Variants in MTCH2 observed in about 807,000 individuals in gnomAD.
MTCH2 encodes mitochondrial carrier homolog 2.
MTCH2 carries 25 observed loss-of-function variants against 50.6 expected under a neutral mutation model. The observed-to-expected ratio is 0.49, with a 90% confidence interval of 0.36 to 0.69. MTCH2 has a LOEUF of 0.69. MTCH2 is among the 30% of genes least tolerant of loss of function. MTCH2 has a pLI of 0.00. For synonymous variants in MTCH2, 106 were observed against 132.0 expected (o/e 0.80, Z 1.35); for missense variants, 273 against 384.4 (o/e 0.71, Z 2.42).
intron 11 of MTCH2, among the ~76,000 whole-genome samples, 169 bp downstream of exon 11, chr11:47,625,504 AT>A (rs1160234414): frequency 6.6e-6 from 1 of 152,058 alleles, no homozygotes; most frequent in African/African-American, 2.4e-5. Flanking sequence ...AAAGAAAAAA[AT>A]TAGGAATCTT....
chr11:47,624,812 G>C (rs1009705347), intron 11 of MTCH2, among the ~76,000 whole-genome samples: 1 of 152,126 alleles, frequency 6.6e-6, no homozygotes, highest in Non-Finnish European at 1.5e-5. Context: ...AATAGGCCAG[G>C]TGCAGTGGCT....
At chr11:47,615,376 G>A (rs2097287791), downstream of MTCH2, among the ~76,000 whole-genome samples, 1 of 152,112 alleles carries the variant, frequency 6.6e-6, no homozygotes, top group African/African-American at 2.4e-5. Context: ...TGTAGTTTTT[G>A]TCAGTTAGTT....
At position 47,642,421 on chromosome 11, in the gene MTCH2, G is replaced by A; in HGVS notation, c.45C>T (p.Thr15=). 1.2e-6 allele frequency: 2 copies of A among 1,609,654 alleles called. No homozygotes were observed. The highest frequency in any genetic ancestry group is 1.7e-6 in the Non-Finnish European group (2 of 1,178,348). Residue 15 remains threonine, a synonymous_variant, in exon 1 of 13, where the codon ACC becomes ACT. Transcript: ENST00000302503. Reference sequence around the variant, plus strand: ...CGTACATGAGCGGCTGGGACAGGATGGTGAGACCGGAGCCCAGGAGCACCT... The same window carrying A: ...CGTACATGAGCGGCTGGGACAGGATAGTGAGACCGGAGCCCAGGAGCACCT... ...ASQVLLGSGL[T]ILSQPLMYVK...
At chr11:47,613,813 C>T (rs1181063083), downstream of MTCH2, among the ~76,000 whole-genome samples, 2 of 152,060 alleles carry the variant, frequency 1.3e-5, no homozygotes, top group Non-Finnish European at 2.9e-5. Flanking sequence ...TTTGGCTGGG[C>T]ACAGTGGCTC....
At chr11:47,607,277 G>T in the MTCH2 span, among the ~76,000 whole-genome samples, 1 of 152,180 alleles carries the variant, frequency 6.6e-6, no homozygotes, top group Non-Finnish European at 1.5e-5. Context: ...GCTCAGCTTA[G>T]CTTCATGGAG....
At chr11:47,609,209 CT>C in the MTCH2 span, among the ~76,000 whole-genome samples, 218 of 150,432 alleles carry the variant, frequency 1.4e-3, no homozygotes, top group African/African-American at 5.1e-3. Flanking sequence ...AATCCCAGCA[CT>C]TTGGGAGGCC....
chr11:47,638,073 A>G (rs1189180665), intron 3 of MTCH2, among the ~76,000 whole-genome samples: 1 of 152,100 alleles, frequency 6.6e-6, no homozygotes, highest in African/African-American at 2.4e-5. Context: ...CCAACCCTGT[A>G]ATATTTCACT....
intron 1 of MTCH2, among the ~76,000 whole-genome samples, chr11:47,641,124 G>A (rs1482532293): frequency 1.3e-5 from 2 of 151,938 alleles, no homozygotes; most frequent in African/African-American, 4.8e-5. Flanking sequence ...CTCAAACATC[G>A]ACCTCGTGAT....
chr11:47,638,336 C>T (rs12802746), intron 3 of MTCH2, among the ~76,000 whole-genome samples: 941 of 42,554 alleles, frequency 0.022, 12 homozygotes, highest in African/African-American at 0.07. Flanking sequence ...CCGAGGCGGG[C>T]GGATCACGAG....
At chr11:47,635,422 A>T in intron 4 of MTCH2, 123 bp downstream of exon 4, 1 of 1,100,812 alleles carries the variant, frequency 9.1e-7, no homozygotes, top group Non-Finnish European at 1.4e-6. Context: ...GCCACCCCAT[A>T]GGACAACACT....
At chr11:47,640,456 G>A (rs1443312901) in intron 1 of MTCH2, among the ~76,000 whole-genome samples, 1 of 152,058 alleles carries the variant, frequency 6.6e-6, no homozygotes, top group East Asian at 1.9e-4. Flanking sequence ...CGCTCTTGTC[G>A]CCCAGGCTGG....
intron 9 of MTCH2, among the ~76,000 whole-genome samples, chr11:47,628,384 C>CA (rs1047001852): frequency 2.0e-5 from 3 of 152,176 alleles, no homozygotes; most frequent in African/African-American, 7.2e-5. Flanking sequence ...CCTGAAGTAA[C>CA]ACAGGGCTAA....
chr11:47,607,330 CTTTCTA>C, the MTCH2 span, among the ~76,000 whole-genome samples: 4 of 152,178 alleles, frequency 2.6e-5, no homozygotes, highest in African/African-American at 9.6e-5. Context: ...GTTTTTTTCC[CTTTCTA>C]TTAAAACTGT....
chr11:47,628,483 CTCATT>C (rs2097300080), intron 9 of MTCH2, among the ~76,000 whole-genome samples: 1 of 152,190 alleles, frequency 6.6e-6, no homozygotes, highest in African/African-American at 2.4e-5. Flanking sequence ...GAACAGTATG[CTCATT>C]TCATTAGCAT....
intron 4 of MTCH2, 24 bp downstream of exon 4, chr11:47,635,521 G>A (rs369473982): frequency 1.2e-6 from 2 of 1,612,436 alleles, no homozygotes; most frequent in Non-Finnish European, 1.7e-6. Context: ...AGGCCCTCAT[G>A]CTTAGAAATC....
At chr11:47,627,163 C>T (rs774507196) in intron 9 of MTCH2, 36 bp from the exon 10 acceptor site, 3 of 1,330,598 alleles carry the variant, frequency 2.3e-6, no homozygotes, top group Non-Finnish European at 3.2e-6. Flanking sequence ...TAATTACCTA[C>T]AACACTACAA....
At chr11:47,627,038 A>T in intron 10 of MTCH2, 42 bp downstream of exon 10, 1 of 1,465,360 alleles carries the variant, frequency 6.8e-7, no homozygotes, top group Non-Finnish European at 9.4e-7. Flanking sequence ...AAAACAAAAC[A>T]CAACTATTCC....
chr11:47,609,626 C>CAAAAA, the MTCH2 span, among the ~76,000 whole-genome samples: 366 of 87,610 alleles, frequency 4.2e-3, no homozygotes, highest in East Asian at 5.8e-3. Flanking sequence ...GACTCTGTCT[C>CAAAAA]AAAAAAAAAA....
At chr11:47,632,133 G>A (rs1301993033) in intron 5 of MTCH2, among the ~76,000 whole-genome samples, 7 of 151,966 alleles carry the variant, frequency 4.6e-5, no homozygotes, top group Non-Finnish European at 1.0e-4. Context: ...CTAGATAAAT[G>A]ACAGGCTCCA....
Sources: allele counts gnomAD v4.1 joint callset (sites outside exome capture counted in the v4.1 genomes callset), GRCh38; gene constraint gnomAD v4.1.1; transcripts MANE v1.5; gene names NCBI Gene and HGNC (gene_info 2026-07-23, HGNC 2026-07-21).